Variants in ALG10B observed in about 807,000 individuals in gnomAD.
ALG10B encodes the protein dol-P-Glc:Glc(2)Man(9)GlcNAc(2)-PP-Dol alpha-1,2-glucosyltransferase B.
In ALG10B, 27 loss-of-function variants were observed where a neutral mutation model predicts 38.7. The ratio of observed to expected loss-of-function variants is 0.70; its 90% confidence interval spans 0.51 to 0.96. The LOEUF is 0.96. Among genes scored for constraint, ALG10B ranks in the 40% least tolerant of loss-of-function variants. The pLI is 0.00. For missense variants in ALG10B, 522 were observed against 542.7 expected (o/e 0.96, Z 0.38); for synonymous variants, 177 against 193.3 (o/e 0.92, Z 0.70).
At chr12:38,317,204 C>T in intron 1 of ALG10B, 140 bp downstream of exon 1, 1 of 1,148,942 alleles carries the variant, frequency 8.7e-7, no homozygotes, top group Non-Finnish European at 1.2e-6. Flanking sequence ...TGGGTATAGT[C>T]TTTTGTTCCT....
rs1385503003 is a variant in ALG10B, at chr12:38,328,561, C to G, written c.*7348C>G. 1 of 152,018 alleles carries G rather than the reference C, an allele frequency of 6.6e-6. No individual in the cohort carries two copies. The highest frequency in any genetic ancestry group is 6.6e-5 in the Admixed American group (1 of 15,254). 9.4% of individuals were successfully genotyped at this position (152,018 alleles called of 1,614,324 possible). On this transcript the variant is annotated 3_prime_UTR_variant, in exon 3 of 3. Coordinates refer to ENST00000308742, the MANE Select transcript of ALG10B (RefSeq NM_001013620.4). The stretch of plus-strand genomic sequence containing the variant: ...GTGTTGTAGTTAAACTTTTATTAGT[C>G]TGAATTAAACTCTTTTATAGTGTTT...
Position 38,328,957 on chromosome 12 carries a change from A to G in ALG10B, c.*7744A>G, listed in dbSNP as rs1420958539. 2.8e-6 allele frequency: 1 copy of G among 363,066 alleles called. No individual in the cohort carries two copies. Among genetic ancestry groups the G allele is most frequent in the East Asian group, 3.9e-5 (1 of 25,368 alleles). 22.5% of individuals were successfully genotyped at this position (363,066 alleles called of 1,614,324 possible). On this transcript the variant is annotated 3_prime_UTR_variant, in exon 3 of 3. Coordinates refer to ENST00000308742, the MANE Select transcript of ALG10B (RefSeq NM_001013620.4). ...ACACATGGGGAAACTTAGTATAGAG[A>G]GGTGAAGTATTTTTTCCAAGATTAC...
intron 1 of ALG10B, chr12:38,317,855 GGC>G (rs1945668875): frequency 3.4e-6 from 1 of 293,880 alleles, no homozygotes; most frequent in Admixed American, 4.8e-5. Flanking sequence ...CAGAGGGTTT[GGC>G]ACAATTTCTG....
Position 38,317,069 on chromosome 12 carries a change from G to A in ALG10B, c.171+5G>A. On this transcript the variant is annotated splice_donor_5th_base_variant and intron_variant, in intron 1 of 2. Coordinates refer to ENST00000308742, the MANE Select transcript of ALG10B (RefSeq NM_001013620.4). ...GGCCATTTCTCCCTTTCCCAGGTGG[G>A]GTGCCCAACCTGTCCCCACCCCAGG... 1 of 1,614,026 alleles carries A rather than the reference G, an allele frequency of 6.2e-7. No individual in the cohort carries two copies. The highest frequency in any genetic ancestry group is 8.5e-7 in the Non-Finnish European group (1 of 1,180,014).
chr12:38,328,819 A>G lies in ALG10B; in HGVS notation c.*7606A>G, dbSNP rs1258047929. The G allele has an allele frequency of 5.8e-6, 1 of 173,114 alleles. No individual in the cohort carries two copies. The highest frequency in any genetic ancestry group is 2.4e-5 in the African/African-American group (1 of 42,500). The allele number at this position is 173,114 out of a possible 1,614,324, so 10.7% of individuals were successfully genotyped here. ...TGACATAGTTAGAATCTTTTCCCAC[A>G]AACAATGAGTGATGATATCTCATTT... On this transcript the variant is annotated 3_prime_UTR_variant, in exon 3 of 3. Coordinates refer to ENST00000308742, the MANE Select transcript of ALG10B (RefSeq NM_001013620.4).
In ALG10B at chr12:38,326,874, G is replaced by A. The variant is rs1404640683; in HGVS notation, c.*5661G>A. 1 of 151,284 alleles carries A rather than the reference G, an allele frequency of 6.6e-6. No homozygotes were observed. Among genetic ancestry groups the A allele is most frequent in the South Asian group, 2.1e-4 (1 of 4,800 alleles). 9.4% of individuals were successfully genotyped at this position (151,284 alleles called of 1,614,324 possible). A position where few individuals can be genotyped will look rare whatever the true frequency, so the allele number is the denominator to read the frequency against. On this transcript the variant is annotated 3_prime_UTR_variant, in exon 3 of 3. Coordinates refer to ENST00000308742, the MANE Select transcript of ALG10B (RefSeq NM_001013620.4). ...TGAGATTTGAAAAATTATTTCTAGG[G>A]TAAGAAATTCTGTCACAATATAATA...
Position 38,320,312 on chromosome 12 carries a change from C to T in ALG10B, c.521C>T (p.Thr174Ile). ...ATGTGTCTTTATGGAAATCATAAAA[C>T]TTCAGCCTTCCTTGGATTTTGTGGC... ...YLMCLYGNHK[T>I]SAFLGFCGFM... The change falls in exon 3 of 3, where the codon ACT becomes ATT. Residue 174 changes from threonine to isoleucine, a missense_variant. Coordinates refer to ENST00000308742, the MANE Select transcript of ALG10B (RefSeq NM_001013620.4). 1.2e-6 allele frequency: 2 copies of T among 1,614,026 alleles called. No individual in the cohort carries two copies. The highest frequency in any genetic ancestry group is 1.7e-6 in the Non-Finnish European group (2 of 1,179,970).
chr12:38,317,003 AC>A lies in ALG10B; in HGVS notation c.111del (p.Asp37GlufsTer25), dbSNP rs767671919. On this transcript the variant is annotated frameshift_variant, in exon 1 of 3. Coordinates refer to ENST00000308742, the MANE Select transcript of ALG10B (RefSeq NM_001013620.4). LOFTEE classifies it high-confidence loss of function. ...CGGGCGCTGCGAGAGCCCTACATGG[AC>A]GAGATCTTCCACCTGCCTCAGGCGC... Reference protein sequence around the residue: ...FSRALREPYMDEIFHLPQAQR... With the variant: ...FSRALREPYMXEIFHLPQAQR... The A allele has an allele frequency of 6.2e-7, 1 of 1,613,810 alleles. No individual in the cohort carries two copies. Among genetic ancestry groups the A allele is most frequent in the African/African-American group, 1.3e-5 (1 of 74,818 alleles).
At position 38,323,427 on chromosome 12, in the gene ALG10B, A is replaced by G. The variant is rs1945718702; in HGVS notation, c.*2214A>G. The G allele has an allele frequency of 6.5e-6, 1 of 152,738 alleles. No individual in the cohort carries two copies. Among genetic ancestry groups the G allele is most frequent in the South Asian group, 2.1e-4 (1 of 4,854 alleles). The allele number at this position is 152,738 out of a possible 1,614,324, so 9.5% of individuals were successfully genotyped here. On this transcript the variant is annotated 3_prime_UTR_variant, in exon 3 of 3. Coordinates refer to ENST00000308742, the MANE Select transcript of ALG10B (RefSeq NM_001013620.4). ...TTTGGGTTGTCATTCCATTACAGGA[A>G]AGTATTATTTGGGCATGTTAACTTT...
At position 38,316,912 on chromosome 12, in the gene ALG10B, T is replaced by G; in HGVS notation, c.19T>G (p.Tyr7Asp). Residue 7 changes from tyrosine to aspartate, a missense_variant, in exon 1 of 3, where the codon TAC (tyrosine) becomes GAC (aspartate). Transcript: ENST00000308742. MAQLEGYCFSAALSCTF... is the reference protein window; with the variant it reads MAQLEGDCFSAALSCTF... ...AGCAGGAATGGCGCAGCTAGAGGGT[T>G]ACTGTTTCTCGGCCGCCTTGAGCTG... 1 of 1,614,170 alleles carries G rather than the reference T, an allele frequency of 6.2e-7. No individual in the cohort carries two copies. Among genetic ancestry groups the G allele is most frequent in the Non-Finnish European group, 8.5e-7 (1 of 1,180,024 alleles).
rs73109545 is a variant in ALG10B, at chr12:38,329,117, C to T, written c.*7904C>T. Reference sequence around the variant, plus strand: ...ATGGCATTTTAGAAGGAAAAATTGTCGCAAGTAATGTGATTATACTTCCTA... The same window carrying T: ...ATGGCATTTTAGAAGGAAAAATTGTTGCAAGTAATGTGATTATACTTCCTA... On this transcript the variant is annotated 3_prime_UTR_variant, in exon 3 of 3. Transcript: ENST00000308742. 4,495 of 397,896 alleles carry T rather than the reference C, an allele frequency of 0.011. 43 individuals carry two copies. Among genetic ancestry groups the T allele is most frequent in the Non-Finnish European group, 0.015 (3,404 of 225,702 alleles). The allele number at this position is 397,896 out of a possible 1,614,324, so 24.6% of individuals were successfully genotyped here.
At position 38,320,348 on chromosome 12, in the gene ALG10B, G is replaced by A. The variant is rs570861653; in HGVS notation, c.557G>A (p.Arg186Gln). The change falls in exon 3 of 3, where the codon CGG (arginine) becomes CAG (glutamine). Residue 186 changes from arginine to glutamine, a missense_variant. Transcript: ENST00000308742. ...AFLGFCGFMFRQTNIIWAVFC... is the reference protein window; with the variant it reads ...AFLGFCGFMFQQTNIIWAVFC... ...CTTGGATTTTGTGGCTTCATGTTTC[G>A]GCAAACAAATATCATCTGGGCTGTC... 112 of 1,613,776 alleles carry A rather than the reference G, an allele frequency of 6.9e-5. 1 individual carries two copies. In the South Asian group the frequency reaches 9.9e-4, roughly 14 times the overall value.
rs1320032194 is a variant in ALG10B, at chr12:38,323,808, A to G, written c.*2595A>G. 11 of 687,890 alleles carry G rather than the reference A, an allele frequency of 1.6e-5. No individual in the cohort carries two copies. Among genetic ancestry groups the G allele is most frequent in the Non-Finnish European group, 2.4e-5 (9 of 379,542 alleles). The allele number at this position is 687,890 out of a possible 1,614,324, so 42.6% of individuals were successfully genotyped here. On this transcript the variant is annotated 3_prime_UTR_variant, in exon 3 of 3. Coordinates refer to ENST00000308742, the MANE Select transcript of ALG10B (RefSeq NM_001013620.4). ...ATTATACTTTTGTCATTAATTTACT[A>G]TAGTGGAGAACTAAATCTGGGAAGT...
rs752346329 is a variant in ALG10B, at chr12:38,317,000, T to C, written c.107T>C (p.Met36Thr). ...AGCCGGGCGCTGCGAGAGCCCTACATGGACGAGATCTTCCACCTGCCTCAG... is the reference window on the plus strand; with the variant it reads ...AGCCGGGCGCTGCGAGAGCCCTACACGGACGAGATCTTCCACCTGCCTCAG... The part of the protein sequence containing the change: ...AFSRALREPY[M>T]DEIFHLPQAQ... The change falls in exon 1 of 3, where the codon ATG becomes ACG. Residue 36 changes from methionine to threonine, a missense_variant. Coordinates refer to ENST00000308742, the MANE Select transcript of ALG10B (RefSeq NM_001013620.4). The C allele has an allele frequency of 6.8e-6, 11 of 1,613,924 alleles. 1 individual carries two copies. The South Asian group carries it at 1.2e-4, about 18-fold the overall frequency.
At chr12:38,319,519 G>A (rs1036069324) in intron 2 of ALG10B, among the ~76,000 whole-genome samples, 3 of 152,152 alleles carry the variant, frequency 2.0e-5, no homozygotes, top group African/African-American at 7.2e-5. Flanking sequence ...TTTAGATTAA[G>A]TGGAGTATAC....
rs1945731921 is a variant in ALG10B, at chr12:38,324,987, C to A, written c.*3774C>A. On this transcript the variant is annotated 3_prime_UTR_variant, in exon 3 of 3. Coordinates refer to ENST00000308742, the MANE Select transcript of ALG10B (RefSeq NM_001013620.4). ...TCATAAAAATATCTAGTCCATAAAT[C>A]ATTATAGGTTCAGTAATACATCATT... 1 of 152,106 alleles carries A rather than the reference C, an allele frequency of 6.6e-6. No homozygotes were observed. The highest frequency in any genetic ancestry group is 1.9e-4 in the East Asian group (1 of 5,194). The allele number at this position is 152,106 out of a possible 1,614,324, so 9.4% of individuals were successfully genotyped here.
intron 2 of ALG10B, among the ~76,000 whole-genome samples, chr12:38,318,787 A>G (rs1204731731): frequency 1.3e-5 from 2 of 152,166 alleles, no homozygotes; most frequent in Non-Finnish European, 2.9e-5. Flanking sequence ...TAAAACGTAT[A>G]TATTCAGTAG....
Position 38,320,849 on chromosome 12 carries a change from A to T in ALG10B, c.1058A>T (p.His353Leu), listed in dbSNP as rs142760513. Residue 353 changes from histidine (H) to leucine (L), a missense_variant, in exon 3 of 3, where the codon CAT (histidine) becomes CTT (leucine). By Grantham distance (99) the His-to-Leu change is moderately conservative. Coordinates refer to ENST00000308742, the MANE Select transcript of ALG10B (RefSeq NM_001013620.4). ...AAATACTTGCTAGCAGACAATAGAC[A>T]TTATACTTTCTATGTGTGGAAAAGA... is the stretch of plus-strand genomic sequence containing the variant. The part of the protein sequence containing the change: ...AHKYLLADNR[H>L]YTFYVWKRVF... 6.2e-7 allele frequency: 1 copy of T among 1,613,568 alleles called. No individual in the cohort carries two copies. The highest frequency in any genetic ancestry group is 1.3e-5 in the African/African-American group (1 of 75,000).
Position 38,327,486 on chromosome 12 carries a change from C to G in ALG10B, c.*6273C>G, listed in dbSNP as rs1395767158. 6.6e-6 allele frequency: 1 copy of G among 152,096 alleles called. No homozygotes were observed. Among genetic ancestry groups the G allele is most frequent in the East Asian group, 1.9e-4 (1 of 5,198 alleles). The allele number at this position is 152,096 out of a possible 1,614,324, so 9.4% of individuals were successfully genotyped here. On this transcript the variant is annotated 3_prime_UTR_variant, in exon 3 of 3. Coordinates refer to ENST00000308742, the MANE Select transcript of ALG10B (RefSeq NM_001013620.4). ...ATGCTACATTTATATTTCTATGAGG[C>G]AGATGTTGATTTCTCTTTGACTGCT... is the stretch of plus-strand genomic sequence containing the variant.
Sources: allele counts gnomAD v4.1 joint callset (sites outside exome capture counted in the v4.1 genomes callset), GRCh38; gene constraint gnomAD v4.1.1; transcripts MANE v1.5; gene names NCBI Gene and HGNC (gene_info 2026-07-23, HGNC 2026-07-21).